The following RBFOX1 variants were observed in gnomAD, a reference collection of about 807,000 sequenced individuals.
RBFOX1 encodes the protein RNA binding fox-1 homolog 1.
In RBFOX1, 8 loss-of-function variants were observed where a neutral mutation model predicts 57.7. The observed-to-expected ratio is 0.14, with a 90% CI of 0.08 to 0.25. The LOEUF is 0.25. Among genes scored for constraint, RBFOX1 ranks in the 10% least tolerant of loss-of-function variants. The pLI is 1.00. For synonymous variants in RBFOX1, 326 were observed against 222.4 expected (o/e 1.47, Z -4.15); for missense variants, 611 against 548.5 (o/e 1.11, Z -1.14).
chr16:7,261,896 A>T (rs1210296790), intron 4 of RBFOX1, among the ~76,000 whole-genome samples: 2 of 152,164 alleles, frequency 1.3e-5, no homozygotes, highest in Non-Finnish European at 2.9e-5. Flanking sequence ...CAATAGTGTG[A>T]AAAGCCCTCC....
chr16:7,384,021 C>G (rs567308355), intron 4 of RBFOX1, among the ~76,000 whole-genome samples: 6 of 150,760 alleles, frequency 4.0e-5, no homozygotes, highest in Non-Finnish European at 8.9e-5. Flanking sequence ...GCCGTTGCAC[C>G]CCAGCCTGGG....
chr16:6,687,894 G>A (rs553103625), intron 3 of RBFOX1, among the ~76,000 whole-genome samples: 2 of 152,184 alleles, frequency 1.3e-5, no homozygotes, highest in East Asian at 1.9e-4. Context: ...CACAGTGAAT[G>A]CATGTTATTT....
chr16:6,690,667 G>A (rs1289375965), intron 3 of RBFOX1, among the ~76,000 whole-genome samples: 5 of 151,744 alleles, frequency 3.3e-5, no homozygotes, highest in Non-Finnish European at 7.4e-5. Flanking sequence ...GCTTTTAGTC[G>A]ATTATAGTAC....
At chr16:6,390,830 G>A (rs1174631382) in intron 2 of RBFOX1, among the ~76,000 whole-genome samples, 1 of 152,064 alleles carries the variant, frequency 6.6e-6, no homozygotes, top group African/African-American at 2.4e-5. Flanking sequence ...GAGTGGTTTG[G>A]GAACCAAGAA....
At chr16:6,264,181 G>A (rs748457355) in intron 1 of RBFOX1, among the ~76,000 whole-genome samples, 16 of 152,108 alleles carry the variant, frequency 1.1e-4, no homozygotes, top group Non-Finnish European at 2.2e-4. Flanking sequence ...TGGTTTTTCA[G>A]TGTTCTCTTG....
intron 13 of RBFOX1, among the ~76,000 whole-genome samples, chr16:7,667,064 C>G (rs1275626877): frequency 2.0e-5 from 3 of 152,166 alleles, no homozygotes; most frequent in Admixed American, 6.5e-5. Flanking sequence ...TAAGATTTTT[C>G]AGTGGGGGAG....
chr16:6,601,298 A>T (rs1383193158), intron 2 of RBFOX1, among the ~76,000 whole-genome samples: 1 of 152,134 alleles, frequency 6.6e-6, no homozygotes. Context: ...CTAGTATTTA[A>T]GCTTCTTACA....
At chr16:6,898,334 G>A (rs1436326666) in intron 3 of RBFOX1, among the ~76,000 whole-genome samples, 2 of 152,088 alleles carry the variant, frequency 1.3e-5, no homozygotes, top group Admixed American at 1.3e-4. Flanking sequence ...CTTGGATGGA[G>A]GGGGGTGAGG....
At chr16:6,894,577 C>T (rs1191835957) in intron 3 of RBFOX1, among the ~76,000 whole-genome samples, 1 of 152,192 alleles carries the variant, frequency 6.6e-6, no homozygotes, top group Non-Finnish European at 1.5e-5. Context: ...TTTCTGAAAA[C>T]ACTTGCCCCA....
intron 2 of RBFOX1, among the ~76,000 whole-genome samples, chr16:5,581,707 A>C (rs1469300483): frequency 6.6e-6 from 1 of 152,220 alleles, no homozygotes; most frequent in East Asian, 1.9e-4. Flanking sequence ...AGGGTGACAG[A>C]CAGCTGATGC....
At chr16:7,415,993 C>T (rs978671023) in intron 4 of RBFOX1, among the ~76,000 whole-genome samples, 7 of 152,114 alleles carry the variant, frequency 4.6e-5, no homozygotes, top group African/African-American at 1.2e-4. Context: ...TCTTCTTTCC[C>T]GAACTTCATC....
At chr16:6,151,111 C>T (rs548958054) in intron 1 of RBFOX1, among the ~76,000 whole-genome samples, 4 of 152,248 alleles carry the variant, frequency 2.6e-5, no homozygotes, top group Middle Eastern at 3.4e-3. Context: ...CCTTATTCAT[C>T]ATCCCTCCAT....
chr16:5,794,566 G>T (rs1301901653), intron 3 of RBFOX1, among the ~76,000 whole-genome samples: 3 of 152,138 alleles, frequency 2.0e-5, no homozygotes, highest in Non-Finnish European at 4.4e-5. Context: ...CATTGGAGAG[G>T]TATAGCTGTC....
chr16:7,352,085 A>T (rs549758686), intron 4 of RBFOX1, among the ~76,000 whole-genome samples: 6 of 152,118 alleles, frequency 3.9e-5, no homozygotes, highest in Admixed American at 3.9e-4. Context: ...TGGTCTTGCA[A>T]TTGCGGGGTG....
intron 2 of RBFOX1, among the ~76,000 whole-genome samples, chr16:6,435,286 ATTG>A (rs1456344713): frequency 7.4e-6 from 1 of 135,960 alleles, no homozygotes; most frequent in Admixed American, 7.2e-5. Flanking sequence ...TATTGTTGTT[ATTG>A]TTGTTGTTTT....
At chr16:7,552,843 C>T (rs966710328) in intron 5 of RBFOX1, among the ~76,000 whole-genome samples, 2 of 151,978 alleles carry the variant, frequency 1.3e-5, no homozygotes, top group Admixed American at 6.6e-5. Flanking sequence ...CCACAACCCC[C>T]GGCTAATTTT....
chr16:6,892,750 C>T (rs1294282609), intron 3 of RBFOX1, among the ~76,000 whole-genome samples: 2 of 148,968 alleles, frequency 1.3e-5, no homozygotes, highest in African/African-American at 2.5e-5. Context: ...ATCAGAAATG[C>T]ATATTCTCAA....
At chr16:7,045,774 G>A (rs535916877) in intron 3 of RBFOX1, among the ~76,000 whole-genome samples, 1 of 152,068 alleles carries the variant, frequency 6.6e-6, no homozygotes, top group Non-Finnish European at 1.5e-5. Context: ...TCTTGCCTCA[G>A]CCTCCTGAGT....
chr16:6,325,957 G>C (rs1282973289), intron 2 of RBFOX1, among the ~76,000 whole-genome samples: 1 of 152,108 alleles, frequency 6.6e-6, no homozygotes, highest in Non-Finnish European at 1.5e-5. Context: ...TGCTGTTATT[G>C]CTATTTAAAA....
Sources: allele counts gnomAD v4.1 joint callset (sites outside exome capture counted in the v4.1 genomes callset), GRCh38; gene constraint gnomAD v4.1.1; transcripts MANE v1.5; gene names NCBI Gene and HGNC (gene_info 2026-07-23, HGNC 2026-07-21).